The following AAGAB variants were observed in gnomAD, a reference collection of about 807,000 sequenced individuals.
AAGAB encodes the protein alpha and gamma adaptin binding protein.
AAGAB carries 38 observed loss-of-function variants against 44.1 expected under a neutral mutation model. The ratio of observed to expected loss-of-function variants is 0.86; its 90% CI spans 0.67 to 1.13. AAGAB has a LOEUF of 1.13. Ranked by LOEUF, AAGAB falls within the 50% of genes most tolerant of loss-of-function variation. The pLI is 0.00. For synonymous variants in AAGAB, 131 were observed against 131.8 expected, an observed-to-expected ratio of 0.99 and a Z score of 0.04; for missense variants, 450 against 373.8, an observed-to-expected ratio of 1.20 and a Z score of -1.68.
chr15:67,203,514 A>AG, intron 9 of AAGAB, 34 bp downstream of exon 9: 1 of 1,590,728 alleles, frequency 6.3e-7, no homozygotes, highest in Non-Finnish European at 8.6e-7. Context: ...GACCTTTTAT[A>AG]GGTATTCAAT....
chr15:67,207,163 T>C (rs1051470069), intron 7 of AAGAB, among the ~76,000 whole-genome samples: 2 of 152,206 alleles, frequency 1.3e-5, no homozygotes, highest in African/African-American at 4.8e-5. Context: ...CACTCCACCC[T>C]GGGCAACAAG....
intron 5 of AAGAB, among the ~76,000 whole-genome samples, chr15:67,228,941 A>T (rs1022267160): frequency 1.3e-5 from 2 of 152,106 alleles, no homozygotes; most frequent in Admixed American, 6.5e-5. Context: ...ATACACATGG[A>T]GATAAAAAGA....
At chr15:67,218,929 A>C (rs1388195951) in intron 5 of AAGAB, among the ~76,000 whole-genome samples, 2 of 152,172 alleles carry the variant, frequency 1.3e-5, no homozygotes, top group Non-Finnish European at 2.9e-5. Context: ...GACAAGGAAA[A>C]TTTCTATGAC....
chr15:67,252,397 T>C (rs1404621462), intron 1 of AAGAB, among the ~76,000 whole-genome samples: 1 of 152,244 alleles, frequency 6.6e-6, no homozygotes, highest in Non-Finnish European at 1.5e-5. Flanking sequence ...GATGGATATA[T>C]GTGAGAAACT....
At chr15:67,254,438 G>T (rs886497224) in intron 1 of AAGAB, 121 bp downstream of exon 1, 10 of 1,455,892 alleles carry the variant, frequency 6.9e-6, no homozygotes, top group Non-Finnish European at 9.1e-6. Flanking sequence ...CGCCTCCACT[G>T]ACTGGAGGAA....
chr15:67,236,172 T>C (rs1304169665), intron 3 of AAGAB, 104 bp from the exon 4 acceptor site: 78 of 980,600 alleles, frequency 8.0e-5, no homozygotes, highest in Non-Finnish European at 2.8e-5. Context: ...TTAATGTCAA[T>C]GTTATTCTAA....
intron 5 of AAGAB, among the ~76,000 whole-genome samples, chr15:67,223,947 C>G (rs1034146575): frequency 1.3e-5 from 2 of 152,200 alleles, no homozygotes; most frequent in Admixed American, 6.5e-5. Flanking sequence ...TGGTGAAACA[C>G]CTCATCTCCT....
intron 7 of AAGAB, among the ~76,000 whole-genome samples, chr15:67,205,888 C>T (rs1963673722): frequency 8.4e-6 from 1 of 119,140 alleles, no homozygotes; most frequent in Non-Finnish European, 2.0e-5. Flanking sequence ...TCTTAATTTA[C>T]TCTTAAAAAA....
chr15:67,231,757 A>T, intron 5 of AAGAB, 57 bp downstream of exon 5: 1 of 1,367,112 alleles, frequency 7.3e-7, no homozygotes, highest in Non-Finnish European at 1.0e-6. Flanking sequence ...TATCTCAATA[A>T]TTTAAAACTT....
At chr15:67,216,442 GAAAAAAAAAAAAAAAA>G (rs60381455) in intron 5 of AAGAB, among the ~76,000 whole-genome samples, 1 of 52,158 alleles carries the variant, frequency 1.9e-5, no homozygotes, top group South Asian at 1.3e-3. Flanking sequence ...ACTCACTCTT[GAAAAAAAAAAAAAAAA>G]AAAAAAAAAA....
chr15:67,236,551 G>C (rs1427998362), intron 2 of AAGAB, 47 bp from the exon 3 acceptor site: 6 of 1,604,968 alleles, frequency 3.7e-6, no homozygotes, highest in Admixed American at 1.7e-5. Context: ...AAAAGAGATA[G>C]TCAGACAAAA....
Position 67,208,626 on chromosome 15 carries a change from T to G in AAGAB, c.651A>C (p.Glu217Asp). ...QPHLPAADSTESLSDHRGGAS... is the reference protein window; with the variant it reads ...QPHLPAADSTDSLSDHRGGAS... ...CACCACCCCGATGATCAGAGAGGGA[T>G]TCAGTACTATCTGCTGCTGGCAAAT... is the stretch of plus-strand genomic sequence containing the variant. The change falls in exon 7 of 10, where the codon GAA becomes GAC. Residue 217 changes from glutamate (E) to aspartate (D), a missense_variant. Physicochemically the swap from Glu to Asp is conservative, Grantham distance 45. Transcript: ENST00000261880. 1.2e-6 allele frequency: 2 copies of G among 1,614,154 alleles called. No homozygotes were observed. The highest frequency in any genetic ancestry group is 1.7e-6 in the Non-Finnish European group (2 of 1,180,014).
At chr15:67,209,426 C>G (rs1291505615) in intron 6 of AAGAB, 36 bp downstream of exon 6, 1 of 1,517,970 alleles carries the variant, frequency 6.6e-7, no homozygotes, top group Non-Finnish European at 9.1e-7. Context: ...GAAATTAAAG[C>G]CAAAGAGGGA....
At chr15:67,224,282 G>A (rs940953976) in intron 5 of AAGAB, among the ~76,000 whole-genome samples, 2 of 152,100 alleles carry the variant, frequency 1.3e-5, no homozygotes, top group Non-Finnish European at 2.9e-5. Context: ...CTAAATTATG[G>A]ACTAGAGAGA....
At chr15:67,224,721 C>T (rs1964163981) in intron 5 of AAGAB, among the ~76,000 whole-genome samples, 1 of 151,684 alleles carries the variant, frequency 6.6e-6, no homozygotes. Context: ...GCTGGGATTA[C>T]AGTCATGCAC....
intron 1 of AAGAB, among the ~76,000 whole-genome samples, chr15:67,238,269 T>C (rs1028996566): frequency 2.0e-5 from 3 of 152,204 alleles, no homozygotes; most frequent in Admixed American, 6.5e-5. Flanking sequence ...GCATCCCATC[T>C]CTTTAAGAAA....
rs988288048 is a variant in AAGAB, at chr15:67,244,820, TA to T, written c.74-8001del. On this transcript the variant is annotated intron_variant, in intron 1 of 9. Coordinates refer to ENST00000261880, the MANE Select transcript of AAGAB (RefSeq NM_024666.5). ...CTCCGTCTTAAAAAAATAAAATAGTTAAAAAAAAAAAGTGGGCAAAAAAGAT... is the reference window on the plus strand; with the variant it reads ...CTCCGTCTTAAAAAAATAAAATAGTTAAAAAAAAAAGTGGGCAAAAAAGAT... Among the ~76,000 whole-genome samples the T allele has an allele frequency of 5.4e-3, 751 of 139,258 alleles. 4 individuals carry two copies. Among genetic ancestry groups the T allele is most frequent in the Middle Eastern group, 0.011 (3 of 274 alleles). The allele number at this position is 139,258 out of a possible 152,430, so 91.4% of individuals were successfully genotyped here.
At chr15:67,247,586 T>C (rs1964757487) in intron 1 of AAGAB, among the ~76,000 whole-genome samples, 1 of 152,306 alleles carries the variant, frequency 6.6e-6, no homozygotes, top group East Asian at 1.9e-4. Context: ...ACTTTTCCAC[T>C]GGTATTTCTC....
chr15:67,222,224 ACGCG>A (rs1161154655), intron 5 of AAGAB, among the ~76,000 whole-genome samples: 7 of 111,906 alleles, frequency 6.3e-5, no homozygotes, highest in Admixed American at 9.1e-5. Flanking sequence ...ACATGCATGC[ACGCG>A]CACGCGCGCG....
Sources: gnomAD v4.1 joint callset for allele counts (sites outside exome capture counted in the v4.1 genomes callset) on GRCh38, gnomAD v4.1.1 for gene constraint, MANE v1.5 for transcripts, NCBI Gene and HGNC (gene_info 2026-07-23, HGNC 2026-07-21) for gene names.